GABBR2: variants seen among roughly 807,000 people sequenced by gnomAD.
GABBR2 encodes the protein gamma-aminobutyric acid type B receptor subunit 2.
A neutral mutation model predicts 105.6 loss-of-function variants in GABBR2; 23 were observed. The observed-to-expected ratio is 0.22, with a 90% CI of 0.16 to 0.31. The LOEUF (loss-of-function observed/expected upper bound fraction) is 0.31, where lower values mean the gene tolerates loss of function less well. Among genes scored for constraint, GABBR2 ranks in the 10% least tolerant of loss-of-function variants. GABBR2 has a pLI of 1.00. For synonymous variants in GABBR2, 478 were observed against 499.7 expected (o/e 0.96, Z 0.58); for missense variants, 734 against 1,245.5 (o/e 0.59, Z 6.18).
intron 1 of GABBR2, among the ~76,000 whole-genome samples, chr9:98,643,516 G>A (rs747918855): frequency 1.3e-5 from 2 of 152,172 alleles, no homozygotes; most frequent in African/African-American, 4.8e-5. Context: ...CTTTATTTTA[G>A]TTGGAGCCCG....
intron 3 of GABBR2, among the ~76,000 whole-genome samples, chr9:98,527,286 T>A (rs1564104378): frequency 6.6e-6 from 1 of 151,970 alleles, no homozygotes; most frequent in Non-Finnish European, 1.5e-5. Flanking sequence ...GTCACCCAGC[T>A]GGCAAGTAGC....
At chr9:98,489,203 T>C (rs1202613073) in intron 4 of GABBR2, among the ~76,000 whole-genome samples, 3 of 152,164 alleles carry the variant, frequency 2.0e-5, no homozygotes, top group African/African-American at 7.2e-5. Flanking sequence ...TGTAGAGTTA[T>C]TGTGGGGATG....
At chr9:98,507,900 T>G (rs1827545020) in intron 3 of GABBR2, among the ~76,000 whole-genome samples, 1 of 152,180 alleles carries the variant, frequency 6.6e-6, no homozygotes, top group Admixed American at 6.5e-5. Flanking sequence ...CACAAAAATT[T>G]CCTGTTGGGC....
intron 1 of GABBR2, among the ~76,000 whole-genome samples, chr9:98,685,057 A>G (rs1342412190): frequency 6.6e-6 from 1 of 152,238 alleles, no homozygotes; most frequent in Non-Finnish European, 1.5e-5. Flanking sequence ...GGAGATGCAG[A>G]TTCACCCTCA....
intron 6 of GABBR2, among the ~76,000 whole-genome samples, chr9:98,460,386 T>C (rs1205563546): frequency 6.6e-6 from 1 of 151,446 alleles, no homozygotes; most frequent in East Asian, 1.9e-4. Flanking sequence ...TAAAATAAAA[T>C]AAAATAAAAT....
chr9:98,577,986 T>A lies in GABBR2; in HGVS notation c.408A>T (p.Pro136=). Residue 136 remains proline, a synonymous_variant, in exon 2 of 19, where the codon CCA becomes CCT. Coordinates refer to ENST00000259455, the MANE Select transcript of GABBR2 (RefSeq NM_005458.8). The stretch of plus-strand genomic sequence containing the variant: ...ACTCTGCAATGATGGATGTGACGGA[T>A]GGACAGACGCCTCCAAACACCATCA... ...NHLMVFGGVC[P]SVTSIIAESL... 6 of 1,614,056 alleles carry A rather than the reference T, an allele frequency of 3.7e-6. No individual in the cohort carries two copies. Among genetic ancestry groups the A allele is most frequent in the Non-Finnish European group, 5.1e-6 (6 of 1,179,906 alleles).
intron 4 of GABBR2, among the ~76,000 whole-genome samples, chr9:98,492,906 A>C (rs887330194): frequency 1.5e-4 from 23 of 152,148 alleles, no homozygotes; most frequent in South Asian, 4.1e-4. Context: ...TCGACCGTCA[A>C]GTTATTCTTT....
rs867839267 is a variant in GABBR2, at chr9:98,320,592, C to T, written c.1894-9387G>A. Among the ~76,000 whole-genome samples the T allele has an allele frequency of 2.4e-4, 37 of 152,210 alleles. No individual in the cohort carries two copies. In the South Asian group the frequency reaches 2.5e-3, roughly 10 times the overall value. On this transcript the variant is annotated intron_variant, in intron 13 of 18. Coordinates refer to ENST00000259455, the MANE Select transcript of GABBR2 (RefSeq NM_005458.8). ...TGGAACCAACCCAAATGTCCAACAA[C>T]GATAGACTGGGTTAAGCAAATGTGG...
chr9:98,471,353 T>C (rs74936068), intron 6 of GABBR2, among the ~76,000 whole-genome samples: 1 of 152,176 alleles, frequency 6.6e-6, no homozygotes, highest in Non-Finnish European at 1.5e-5. Flanking sequence ...AGGTGTCCCA[T>C]GCATGAGACA....
At chr9:98,390,888 G>A (rs774040006) in intron 9 of GABBR2, among the ~76,000 whole-genome samples, 7 of 152,142 alleles carry the variant, frequency 4.6e-5, no homozygotes, top group Non-Finnish European at 7.3e-5. Flanking sequence ...AGAGAAAGTT[G>A]TCTCCTTCTT....
chr9:98,324,077 C>T (rs541297535), intron 13 of GABBR2, among the ~76,000 whole-genome samples: 38 of 152,278 alleles, frequency 2.5e-4, no homozygotes, highest in Non-Finnish European at 4.0e-4. Context: ...GGAACTTACC[C>T]AAGCTCACAC....
chr9:98,527,514 C>T (rs1021582258), intron 3 of GABBR2, among the ~76,000 whole-genome samples: 1 of 151,990 alleles, frequency 6.6e-6, no homozygotes, highest in Non-Finnish European at 1.5e-5. Context: ...TCAATGTAGC[C>T]AGTCATAAGA....
At chr9:98,347,120 G>GTAGT (rs1244791737) in intron 13 of GABBR2, among the ~76,000 whole-genome samples, 7 of 152,146 alleles carry the variant, frequency 4.6e-5, no homozygotes, top group Non-Finnish European at 2.9e-5. Flanking sequence ...GAATCATATG[G>GTAGT]TAGTTCTATT....
chr9:98,424,082 T>C (rs1356335422), intron 7 of GABBR2, among the ~76,000 whole-genome samples: 1 of 152,144 alleles, frequency 6.6e-6, no homozygotes, highest in Admixed American at 6.5e-5. Flanking sequence ...AAATCCTCAA[T>C]AAAATACTGG....
intron 1 of GABBR2, among the ~76,000 whole-genome samples, chr9:98,656,299 T>C (rs1214146544): frequency 2.0e-5 from 3 of 152,060 alleles, no homozygotes; most frequent in Non-Finnish European, 4.4e-5. Flanking sequence ...TGCAGAAATG[T>C]GTGGATGATG....
chr9:98,463,608 G>C lies in GABBR2; in HGVS notation c.1000-9391C>G, dbSNP rs531763004. On this transcript the variant is annotated intron_variant, in intron 6 of 18. Coordinates refer to ENST00000259455, the MANE Select transcript of GABBR2 (RefSeq NM_005458.8). ...CCCTCGCCCTCTCGCTCTCCGTCTC[G>C]CTCTCGCTCTCGCTCTCCGTCTCGC... 1.6e-4 allele frequency among the ~76,000 whole-genome samples: 6 copies of C among 38,378 alleles called. No individual in the cohort carries two copies. In the South Asian group the frequency reaches 3.6e-3, roughly 23 times the overall value. 25.2% of individuals were successfully genotyped at this position (38,378 alleles called of 152,430 possible).
At chr9:98,349,073 G>A (rs749056882) in intron 13 of GABBR2, among the ~76,000 whole-genome samples, 3 of 152,014 alleles carry the variant, frequency 2.0e-5, no homozygotes, top group Non-Finnish European at 2.9e-5. Context: ...TGTCATAGAT[G>A]GCCTTTAGTA....
intron 11 of GABBR2, among the ~76,000 whole-genome samples, chr9:98,378,586 G>C (rs892156065): frequency 6.6e-6 from 1 of 152,184 alleles, no homozygotes; most frequent in Non-Finnish European, 1.5e-5. Flanking sequence ...TGGGGATGTG[G>C]CATCAGCATC....
chr9:98,332,264 C>G (rs879354), intron 13 of GABBR2, among the ~76,000 whole-genome samples: 1 of 151,902 alleles, frequency 6.6e-6, no homozygotes, highest in Non-Finnish European at 1.5e-5. Flanking sequence ...CTATCCTGCA[C>G]GTTTGCTCTT....
Sources: gnomAD v4.1 joint callset for allele counts (sites outside exome capture counted in the v4.1 genomes callset) on GRCh38, gnomAD v4.1.1 for gene constraint, MANE v1.5 for transcripts, NCBI Gene and HGNC (gene_info 2026-07-23, HGNC 2026-07-21) for gene names.